CELF2: variants seen among roughly 807,000 people sequenced by gnomAD.
CELF2 encodes CUGBP Elav-like family member 2.
In CELF2, 8 loss-of-function variants were observed where a neutral mutation model predicts 62.6. That is an observed-to-expected ratio of 0.13 (90% CI 0.07 to 0.23). The LOEUF (loss-of-function observed/expected upper bound fraction) is 0.23. Ranked by LOEUF, CELF2 falls within the 10% of genes least tolerant of loss-of-function variation. The probability of loss-of-function intolerance (pLI) is 1.00; values close to 1 mark genes in which losing one functional copy is unlikely to be tolerated. For synonymous variants in CELF2, 258 were observed against 250.0 expected (o/e 1.03, Z -0.30); for missense variants, 333 against 671.0 (o/e 0.50, Z 5.56).
rs1284289936 is a variant in CELF2 at position 11,302,144 on chromosome 10, A to C, written c.977-11995A>C. On this transcript the variant is annotated intron_variant, in intron 9 of 12. Coordinates refer to ENST00000633077, the MANE Select transcript of CELF2 (RefSeq NM_001326342.2). This position sits in a 1 kb window ranked among gnomAD's most constrained non-coding sequence, Gnocchi z 5.0. The stretch of plus-strand genomic sequence containing the variant: ...GAACCGTAACTTACCACTCTCACCT[A>C]GTTTTTGACTCTGGGTTCCTTGGTG... Among the ~76,000 whole-genome samples, 2 of 152,198 alleles carry C rather than the reference A, an allele frequency of 1.3e-5. No homozygotes were observed. Among genetic ancestry groups the C allele is most frequent in the East Asian group, 3.9e-4 (2 of 5,164 alleles).
At chr10:10,743,628 G>A in the CELF2 span, among the ~76,000 whole-genome samples, 8 of 152,240 alleles carry the variant, frequency 5.3e-5, no homozygotes, top group South Asian at 1.5e-3. Flanking sequence ...TTTAGTGCAC[G>A]GGCAGCATCT....
the CELF2 span, among the ~76,000 whole-genome samples, chr10:10,733,472 G>A: frequency 5.8e-3 from 876 of 152,218 alleles, 20 homozygotes; most frequent in Non-Finnish European, 5.5e-3. Flanking sequence ...ACTCAGCTGA[G>A]ACCTTAGGGC....
At chr10:10,817,188 T>C (rs10905834) in intron 1 of CELF2, among the ~76,000 whole-genome samples, 13,593 of 152,094 alleles carry the variant, frequency 0.089, 720 homozygotes, top group East Asian at 0.24. Context: ...AACATGAGGG[T>C]TTTTTTCCTT....
chr10:11,139,370 A>G (rs1287962520), intron 1 of CELF2, among the ~76,000 whole-genome samples: 1 of 152,226 alleles, frequency 6.6e-6, no homozygotes, highest in Non-Finnish European at 1.5e-5. Flanking sequence ...CACAGTTCTA[A>G]ATAGTTGAAA....
intron 1 of CELF2, among the ~76,000 whole-genome samples, chr10:11,119,765 T>C (rs2057331936): frequency 6.6e-6 from 1 of 151,610 alleles, no homozygotes; most frequent in South Asian, 2.1e-4. Flanking sequence ...CCCCCTATAA[T>C]GATCAAGGGA....
At chr10:10,763,882 A>T in the CELF2 span, among the ~76,000 whole-genome samples, 3 of 152,152 alleles carry the variant, frequency 2.0e-5, no homozygotes, top group African/African-American at 7.2e-5. Context: ...TGTATTAATT[A>T]CTCTCTTTAG....
chr10:10,945,141 C>T (rs2047511645), intron 2 of CELF2, among the ~76,000 whole-genome samples: 1 of 152,084 alleles, frequency 6.6e-6, no homozygotes, highest in South Asian at 2.1e-4. Context: ...AGACATTCAG[C>T]CTAAGAACGG....
At chr10:11,054,489 TTGTGTGTGTGTGTG>T (rs35465939) in intron 1 of CELF2, among the ~76,000 whole-genome samples, 5 of 149,478 alleles carry the variant, frequency 3.3e-5, no homozygotes, top group East Asian at 2.0e-4. Context: ...GTATGTGTGT[TTGTGTGTGTGTGTG>T]TGTGTGTGTG....
At chr10:10,762,915 G>T in the CELF2 span, among the ~76,000 whole-genome samples, 1 of 152,032 alleles carries the variant, frequency 6.6e-6, no homozygotes, top group Non-Finnish European at 1.5e-5. Context: ...CTCCAGCCTG[G>T]GTGACAGAGC....
intron 8 of CELF2, 140 bp from the exon 9 acceptor site, chr10:11,288,278 G>C: frequency 1.0e-6 from 1 of 983,598 alleles, no homozygotes; most frequent in Non-Finnish European, 1.5e-6. Context: ...GGAGAGCCCA[G>C]CTCCCACCCA....
chr10:11,070,625 C>T (rs1181520025), intron 1 of CELF2, among the ~76,000 whole-genome samples: 2 of 152,038 alleles, frequency 1.3e-5, no homozygotes, highest in African/African-American at 4.8e-5. Context: ...ATGAAATCAT[C>T]TGGGGGGAGG....
chr10:10,904,462 C>T (rs1433199213), intron 1 of CELF2, among the ~76,000 whole-genome samples: 1 of 152,048 alleles, frequency 6.6e-6, no homozygotes, highest in African/African-American at 2.4e-5. Flanking sequence ...GAACTCCTGG[C>T]CTCAAGCCAT....
chr10:11,258,096 G>C (rs925750676), intron 5 of CELF2, among the ~76,000 whole-genome samples: 2 of 152,216 alleles, frequency 1.3e-5, no homozygotes, highest in Non-Finnish European at 2.9e-5. Flanking sequence ...AGTTATCACT[G>C]TCAGGTGTGA....
At position 11,321,166 on chromosome 10, in the gene CELF2, C is replaced by T; in HGVS notation, c.1097-23C>T. 1 of 1,612,540 alleles carries T rather than the reference C, an allele frequency of 6.2e-7. No homozygotes were observed. Among genetic ancestry groups the T allele is most frequent in the South Asian group, 1.1e-5 (1 of 91,038 alleles). On this transcript the variant is annotated intron_variant, in intron 10 of 12. Coordinates refer to ENST00000633077, the MANE Select transcript of CELF2 (RefSeq NM_001326342.2). This position sits in a 1 kb window ranked among gnomAD's most constrained non-coding sequence, Gnocchi z 6.2. Reference sequence around the variant, plus strand: ...AATGAATAAGTGCTGTTTCTCTTCTCTATTGTTGGGTTTTTTGTAAAGTTG... The same window carrying T: ...AATGAATAAGTGCTGTTTCTCTTCTTTATTGTTGGGTTTTTTGTAAAGTTG...
In CELF2 at chr10:11,012,767, TAA is replaced by T. The variant is rs2056678367; in HGVS notation, c.53+7328_53+7329del. ...GGAAGGAATGAAAACCTCATTCTGATAAGTGTAAATTTTGTTCCTGCCGCCAG... is the reference window on the plus strand; with the variant it reads ...GGAAGGAATGAAAACCTCATTCTGATGTGTAAATTTTGTTCCTGCCGCCAG... On this transcript the variant is annotated intron_variant, in intron 1 of 12. Coordinates refer to the CELF2 transcript ENST00000416382. This position sits in a 1 kb window ranked among gnomAD's most constrained non-coding sequence, Gnocchi z 5.5. 6.6e-6 allele frequency among the ~76,000 whole-genome samples: 1 copy of T among 152,218 alleles called. No individual in the cohort carries two copies. Among genetic ancestry groups the T allele is most frequent in the South Asian group, 2.1e-4 (1 of 4,826 alleles).
At chr10:10,617,712 G>GC in the CELF2 span, among the ~76,000 whole-genome samples, 26 of 152,124 alleles carry the variant, frequency 1.7e-4, no homozygotes, top group African/African-American at 6.3e-4. Context: ...TTTGTAAAGG[G>GC]GGGGGAAATA....
At chr10:11,317,812 CA>C (rs1221324647) in intron 10 of CELF2, 2 of 152,246 alleles carry the variant, frequency 1.3e-5, no homozygotes, top group African/African-American at 4.8e-5. Flanking sequence ...ACTCAGTAGT[CA>C]GGCTGCGTGC....
intron 1 of CELF2, among the ~76,000 whole-genome samples, chr10:11,147,722 A>T (rs1324313531): frequency 6.6e-6 from 1 of 152,266 alleles, no homozygotes; most frequent in Non-Finnish European, 1.5e-5. Flanking sequence ...AAACACACAT[A>T]ATAACGGTTT....
chr10:11,196,347 G>A (rs187526044), intron 2 of CELF2, among the ~76,000 whole-genome samples: 2 of 152,324 alleles, frequency 1.3e-5, no homozygotes, highest in African/African-American at 2.4e-5. Context: ...ACTTACATTG[G>A]CATAGAATTC....
Sources: allele counts gnomAD v4.1 joint callset (sites outside exome capture counted in the v4.1 genomes callset), GRCh38; gene constraint gnomAD v4.1.1; non-coding constraint Gnocchi (gnomAD v3.1); transcripts MANE v1.5; gene names NCBI Gene and HGNC (gene_info 2026-07-23, HGNC 2026-07-21).